The following CCNB2 variants were observed in gnomAD, a reference collection of about 807,000 sequenced individuals.
CCNB2 encodes G2/mitotic-specific cyclin-B2.
A neutral mutation model predicts 51.1 loss-of-function variants in CCNB2; 39 were observed. The ratio of observed to expected loss-of-function variants is 0.76; its 90% CI spans 0.59 to 1.00. CCNB2 has a LOEUF of 1.00. Among genes scored for constraint, CCNB2 ranks in the 50% least tolerant of loss-of-function variants. The pLI, the probability that CCNB2 is intolerant of heterozygous loss-of-function variation, is 0.00. For synonymous variants in CCNB2, 174 were observed against 165.5 expected (o/e 1.05, Z -0.40); for missense variants, 472 against 470.3 (o/e 1.00, Z -0.03).
In CCNB2 at chr15:59,124,903, G is replaced by A. The variant is rs376495963; in HGVS notation, c.*26G>A. ...GCTGCCGTGGCCCCTGGGGATGTGT[G>A]CTTCATTGTGCCCTTTTTCTTATTG... On this transcript the variant is annotated 3_prime_UTR_variant, in exon 9 of 9. Transcript: ENST00000288207. The A allele has an allele frequency of 5.2e-6, 7 of 1,341,290 alleles. No individual in the cohort carries two copies. The African/African-American group carries it at 5.9e-5, about 11-fold the overall frequency. 83.1% of individuals were successfully genotyped at this position (1,341,290 alleles called of 1,614,324 possible).
chr15:59,114,685 G>T (rs747420379), intron 4 of CCNB2, 33 bp from the exon 5 acceptor site: 22 of 1,592,616 alleles, frequency 1.4e-5, no homozygotes, highest in Non-Finnish European at 1.7e-5. Context: ...AGCAAACAAG[G>T]TCAGCTTTTT....
At chr15:59,106,287 T>C (rs2079235448) in intron 1 of CCNB2, among the ~76,000 whole-genome samples, 1 of 152,248 alleles carries the variant, frequency 6.6e-6, no homozygotes, top group African/African-American at 2.4e-5. Context: ...ACATTTAGCA[T>C]TTAATTAATA....
At chr15:59,114,406 A>C in intron 3 of CCNB2, 38 bp from the exon 4 acceptor site, 2 of 1,508,918 alleles carry the variant, frequency 1.3e-6, no homozygotes, top group South Asian at 2.6e-5. Flanking sequence ...ATTTATGGTT[A>C]AGGCTGCTCC....
At chr15:59,112,702 T>C (rs963383559) in intron 3 of CCNB2, among the ~76,000 whole-genome samples, 25 of 152,128 alleles carry the variant, frequency 1.6e-4, no homozygotes, top group African/African-American at 5.8e-4. Context: ...TAGCTTAGCA[T>C]CTTGTTAGGT....
chr15:59,114,929 A>C lies in CCNB2; in HGVS notation c.597+53A>C, dbSNP rs546391304. On this transcript the variant is annotated intron_variant, in intron 5 of 8. Transcript: ENST00000288207. Reference sequence around the variant, plus strand: ...CAGTGGCTCATTGAACATTGCATTTATGCTTGGGGGATAGAAAACTAAAGT... The same window carrying C: ...CAGTGGCTCATTGAACATTGCATTTCTGCTTGGGGGATAGAAAACTAAAGT... The C allele has an allele frequency of 1.6e-5, 24 of 1,535,580 alleles. No individual in the cohort carries two copies. The South Asian group carries it at 1.9e-4, about 12-fold the overall frequency.
At chr15:59,117,065 GA>G in intron 6 of CCNB2, 139 bp downstream of exon 6, 2 of 965,600 alleles carry the variant, frequency 2.1e-6, no homozygotes, top group Non-Finnish European at 3.1e-6. Context: ...GTTCTTAAGA[GA>G]AAAGGCCTCA....
chr15:59,106,500 G>T (rs1280391292), intron 1 of CCNB2, among the ~76,000 whole-genome samples: 1 of 151,974 alleles, frequency 6.6e-6, no homozygotes, highest in African/African-American at 2.4e-5. Flanking sequence ...AGGACATGCT[G>T]GTTTTTTGCT....
At chr15:59,113,054 A>G (rs1189231019) in intron 3 of CCNB2, among the ~76,000 whole-genome samples, 1 of 152,096 alleles carries the variant, frequency 6.6e-6, no homozygotes, top group Non-Finnish European at 1.5e-5. Context: ...ACATTTAAAA[A>G]AGCAAAGATT....
intron 4 of CCNB2, 37 bp downstream of exon 4, chr15:59,114,651 G>A: frequency 1.3e-6 from 2 of 1,587,384 alleles, no homozygotes; most frequent in East Asian, 2.3e-5. Flanking sequence ...TATAAGCAAT[G>A]TGGAATTTAC....
In CCNB2 at chr15:59,123,541, G is replaced by A; in HGVS notation, c.1000G>A (p.Gly334Arg). ...GAACTTAAAGCAGCAGTATTACACA[G>A]GATACACAGAGAATGAAGTATTGGA... ...KWNLKQQYYT[G>R]YTENEVLEVM... Residue 334 changes from glycine (G) to arginine (R), a missense_variant, in exon 8 of 9, where the codon GGA (glycine) becomes AGA (arginine). Physicochemically the swap from Gly to Arg is moderately radical, Grantham distance 125. Transcript: ENST00000288207. The A allele has an allele frequency of 2.5e-6, 4 of 1,612,404 alleles. No homozygotes were observed. In the South Asian group the frequency reaches 4.4e-5, roughly 18 times the overall value.
intron 3 of CCNB2, among the ~76,000 whole-genome samples, chr15:59,112,574 T>C (rs1488698134): frequency 4.0e-5 from 6 of 151,862 alleles, no homozygotes; most frequent in Non-Finnish European, 8.8e-5. Flanking sequence ...TTCAAACTTC[T>C]GACCTCGTGA....
intron 7 of CCNB2, among the ~76,000 whole-genome samples, chr15:59,122,200 A>G (rs939031821): frequency 2.0e-5 from 3 of 147,476 alleles, no homozygotes; most frequent in Non-Finnish European, 4.5e-5. Flanking sequence ...CGCTTTTAGA[A>G]TTTTTGTCAC....
intron 7 of CCNB2, among the ~76,000 whole-genome samples, chr15:59,120,877 C>T (rs2079299173): frequency 6.6e-6 from 1 of 152,204 alleles, no homozygotes; most frequent in African/African-American, 2.4e-5. Context: ...TTAAGCTCAG[C>T]ATTACCACTG....
chr15:59,122,241 CTTTTTTTTTTTTT>C (rs1162917277), intron 7 of CCNB2, among the ~76,000 whole-genome samples: 2 of 72,990 alleles, frequency 2.7e-5, no homozygotes, highest in African/African-American at 1.2e-4. Flanking sequence ...GTTGACATAT[CTTTTTTTTTTTTT>C]TTTTTTTTTT....
At chr15:59,115,786 A>G (rs1475243993) in intron 5 of CCNB2, 1 of 152,134 alleles carries the variant, frequency 6.6e-6, no homozygotes, top group Non-Finnish European at 1.5e-5. Context: ...GCTGGAGTGC[A>G]GTGACACAAT....
chr15:59,108,855 C>G (rs542202155), intron 3 of CCNB2, among the ~76,000 whole-genome samples: 1 of 152,236 alleles, frequency 6.6e-6, no homozygotes, highest in East Asian at 1.9e-4. Context: ...AGAACTAAAG[C>G]TTAGAAAAAG....
intron 3 of CCNB2, among the ~76,000 whole-genome samples, chr15:59,110,482 G>A (rs2079253430): frequency 6.6e-6 from 1 of 152,178 alleles, no homozygotes; most frequent in African/African-American, 2.4e-5. Flanking sequence ...CCTGTCTCTG[G>A]TCAGCCTTCT....
intron 3 of CCNB2, among the ~76,000 whole-genome samples, chr15:59,110,927 T>G (rs183339521): frequency 1.9e-3 from 296 of 152,300 alleles, no homozygotes; most frequent in African/African-American, 6.9e-3. Flanking sequence ...GGGAAACAAG[T>G]TGAATAAACC....
chr15:59,119,855 C>T (rs534164940), intron 7 of CCNB2, among the ~76,000 whole-genome samples: 5 of 152,170 alleles, frequency 3.3e-5, no homozygotes, highest in South Asian at 4.1e-4. Flanking sequence ...CCCAGCCACA[C>T]GCCATCATGC....
Sources: allele counts gnomAD v4.1 joint callset (sites outside exome capture counted in the v4.1 genomes callset), GRCh38; gene constraint gnomAD v4.1.1; transcripts MANE v1.5; gene names NCBI Gene and HGNC (gene_info 2026-07-23, HGNC 2026-07-21).